FER: variants seen among roughly 807,000 people sequenced by gnomAD.
The protein encoded by FER is FER tyrosine kinase.
FER carries 63 observed loss-of-function variants against 111.0 expected under a neutral mutation model. The ratio of observed to expected loss-of-function variants is 0.57; its 90% confidence interval spans 0.46 to 0.70. The LOEUF (loss-of-function observed/expected upper bound fraction) is 0.70. Ranked by LOEUF, FER falls within the 30% of genes least tolerant of loss-of-function variation. FER has a pLI of 0.00. For missense variants in FER, 914 were observed against 954.0 expected, an observed-to-expected ratio of 0.96 and a Z score of 0.55; for synonymous variants, 327 against 313.9, an observed-to-expected ratio of 1.04 and a Z score of -0.44.
At chr5:109,086,877 G>A (rs1181884022) in intron 16 of FER, among the ~76,000 whole-genome samples, 1 of 150,206 alleles carries the variant, frequency 6.7e-6, no homozygotes, top group Non-Finnish European at 1.5e-5. Flanking sequence ...CAGCAGAGTT[G>A]GTTTCTTCTG....
At chr5:109,000,965 A>T (rs1203852620) in intron 13 of FER, among the ~76,000 whole-genome samples, 1 of 152,210 alleles carries the variant, frequency 6.6e-6, no homozygotes, top group African/African-American at 2.4e-5. Context: ...AAGAAGTTGA[A>T]TCTCTGAATA....
intron 13 of FER, among the ~76,000 whole-genome samples, chr5:108,983,778 C>T (rs1762256248): frequency 6.6e-6 from 1 of 152,108 alleles, no homozygotes; most frequent in African/African-American, 2.4e-5. Context: ...ATTTCAAGTC[C>T]TTCTAGGTCA....
intron 9 of FER, among the ~76,000 whole-genome samples, chr5:108,890,557 G>A (rs1747871500): frequency 6.6e-6 from 1 of 151,916 alleles, no homozygotes; most frequent in Admixed American, 6.6e-5. Flanking sequence ...ATGACCCTCT[G>A]CCTGTGTGTC....
chr5:108,967,567 G>A (rs1443599614), intron 13 of FER, among the ~76,000 whole-genome samples: 1 of 152,000 alleles, frequency 6.6e-6, no homozygotes, highest in African/African-American at 2.4e-5. Flanking sequence ...GTTGAGACCA[G>A]CTTGGCCAAT....
At chr5:108,948,387 A>G (rs1258387978) in intron 11 of FER, among the ~76,000 whole-genome samples, 1 of 152,106 alleles carries the variant, frequency 6.6e-6, no homozygotes, top group East Asian at 1.9e-4. Context: ...TCAGAATAAT[A>G]TTTTAATATG....
intron 10 of FER, among the ~76,000 whole-genome samples, chr5:108,937,203 C>G (rs567518331): frequency 6.6e-6 from 1 of 151,696 alleles, no homozygotes; most frequent in East Asian, 1.9e-4. Context: ...CCAATAAATC[C>G]CCCTGCCTTC....
chr5:109,159,088 A>G (rs920032362), intron 17 of FER, among the ~76,000 whole-genome samples: 1 of 152,174 alleles, frequency 6.6e-6, no homozygotes, highest in Non-Finnish European at 1.5e-5. Context: ...GGCATATTCA[A>G]CCTGGTATTA....
At chr5:109,038,850 T>A (rs377010798) in intron 14 of FER, among the ~76,000 whole-genome samples, 1 of 152,190 alleles carries the variant, frequency 6.6e-6, no homozygotes. Context: ...AAAAATATTT[T>A]TAGTTAAAGA....
chr5:108,809,828 G>A (rs575225141), intron 3 of FER, among the ~76,000 whole-genome samples: 108 of 152,282 alleles, frequency 7.1e-4, no homozygotes, highest in Non-Finnish European at 7.6e-4. Flanking sequence ...ATCCCAAAAT[G>A]CTATGATTGC....
intron 13 of FER, among the ~76,000 whole-genome samples, chr5:108,985,450 A>AGGTTTCTCTCTCTTTT (rs1762465122): frequency 2.0e-5 from 3 of 151,754 alleles, no homozygotes; most frequent in Non-Finnish European, 4.4e-5. Flanking sequence ...TTCTTTTTAA[A>AGGTTTCTCTCTCTTTT]TAGGTTTCTG....
intron 13 of FER, among the ~76,000 whole-genome samples, chr5:108,994,747 G>C (rs1372389955): frequency 6.6e-6 from 1 of 152,174 alleles, no homozygotes; most frequent in Non-Finnish European, 1.5e-5. Context: ...CACGAGCATG[G>C]AATGTTTTTC....
chr5:108,782,701 C>G (rs938668448), intron 2 of FER: 2 of 152,034 alleles, frequency 1.3e-5, no homozygotes, highest in Admixed American at 6.6e-5. Flanking sequence ...TGATCTTGAA[C>G]TCCTGGGCTC....
chr5:108,879,701 A>AATAT lies in FER; in HGVS notation c.924-3674_924-3671dup, dbSNP rs1554084618. Among the ~76,000 whole-genome samples, 247 of 99,084 alleles carry AATAT rather than the reference A, an allele frequency of 2.5e-3. 6 individuals carry two copies. The highest frequency in any genetic ancestry group is 9.7e-3 in the South Asian group (31 of 3,198). The allele number at this position is 99,084 out of a possible 152,430, so 65.0% of individuals were successfully genotyped here. A position where few individuals can be genotyped will look rare whatever the true frequency, so the allele number is the denominator to read the frequency against. ...ATGTATTTTTTTTAGATTAAAAAAA[A>AATAT]ATATATATATATATATATATATATT... On this transcript the variant is annotated intron_variant, in intron 8 of 19. Transcript: ENST00000281092.
In FER at chr5:109,013,838, G is replaced by A. The variant is rs1415869736; in HGVS notation, c.1657-23584G>A. On this transcript the variant is annotated intron_variant, in intron 13 of 19. Coordinates refer to ENST00000281092, the MANE Select transcript of FER (RefSeq NM_005246.4). Reference sequence around the variant, plus strand: ...TGCATTTCTCTGATGGCCAGTGATGGTGAGCATTTTTTCATGTGTTTTTTG... The same window carrying A: ...TGCATTTCTCTGATGGCCAGTGATGATGAGCATTTTTTCATGTGTTTTTTG... Among the ~76,000 whole-genome samples the A allele has an allele frequency of 8.5e-3, 1,263 of 147,876 alleles. 12 individuals carry two copies. The highest frequency in any genetic ancestry group is 0.029 in the African/African-American group (1,176 of 40,280).
intron 2 of FER, among the ~76,000 whole-genome samples, chr5:108,796,956 C>T (rs1756095477): frequency 6.6e-6 from 1 of 151,612 alleles, no homozygotes; most frequent in Non-Finnish European, 1.5e-5. Flanking sequence ...CTCACCATAG[C>T]CACCACAACT....
chr5:109,033,603 A>T lies in FER; in HGVS notation c.1657-3819A>T, dbSNP rs73781927. ...TAGCATCATCATATAACTGAAATTG[A>T]ATGTCTTTCTCAGCCACTTAGCAGC... On this transcript the variant is annotated intron_variant, in intron 13 of 19. Transcript: ENST00000281092. Among the ~76,000 whole-genome samples the T allele has an allele frequency of 5.9e-3, 891 of 152,238 alleles. 10 individuals are homozygous for T. The highest frequency in any genetic ancestry group is 0.02 in the African/African-American group (833 of 41,540).
At chr5:108,846,808 C>T (rs886681553) in intron 5 of FER, among the ~76,000 whole-genome samples, 2 of 152,036 alleles carry the variant, frequency 1.3e-5, no homozygotes, top group African/African-American at 4.8e-5. Flanking sequence ...TGGTCTCGAT[C>T]TCCTGACTTT....
intron 16 of FER, among the ~76,000 whole-genome samples, chr5:109,089,016 T>C (rs997540420): frequency 6.6e-6 from 1 of 152,182 alleles, no homozygotes; most frequent in Non-Finnish European, 1.5e-5. Flanking sequence ...GGAGTGATTT[T>C]CAAATGTGTA....
intron 12 of FER, among the ~76,000 whole-genome samples, chr5:108,955,556 T>A (rs542401550): frequency 1.3e-5 from 2 of 152,004 alleles, no homozygotes; most frequent in South Asian, 4.1e-4. Flanking sequence ...TTGTTACATT[T>A]CTTTATTGAG....
Sources: allele counts gnomAD v4.1 joint callset (sites outside exome capture counted in the v4.1 genomes callset), GRCh38; gene constraint gnomAD v4.1.1; transcripts MANE v1.5; gene names NCBI Gene and HGNC (gene_info 2026-07-23, HGNC 2026-07-21).